Variants in OTOP2 observed in about 807,000 individuals in gnomAD.
The protein encoded by OTOP2 is proton channel OTOP2.
Under a neutral mutation model 47.4 loss-of-function variants are expected in OTOP2, and 41 were observed. The observed-to-expected ratio is 0.87, with a 90% CI of 0.67 to 1.12. OTOP2 has a LOEUF of 1.12. Ranked by LOEUF, OTOP2 falls within the 50% of genes most tolerant of loss-of-function variation. The pLI is 0.00. For synonymous variants in OTOP2, 328 were observed against 319.6 expected, an observed-to-expected ratio of 1.03 and a Z score of -0.28; for missense variants, 721 against 752.2, an observed-to-expected ratio of 0.96 and a Z score of 0.49.
chr17:74,927,382 C>A, intron 4 of OTOP2, 101 bp downstream of exon 4: 1 of 1,377,396 alleles, frequency 7.3e-7, no homozygotes, highest in Non-Finnish European at 1.0e-6. Context: ...CTTTATGTCC[C>A]CTGGGTGGGG....
chr17:74,924,780 G>A lies in OTOP2; in HGVS notation c.148G>A (p.Gly50Arg). ...CCTCGCCTGCACGCTCATCAGCGGC[G>A]GAGCCTTCAACAAGGTGGCCGTGTA... ...LLLACTLISG[G>R]AFNKVAVYDT... The change falls in exon 2 of 7, where the codon GGA becomes AGA. Residue 50 changes from glycine to arginine, a missense_variant. By Grantham distance (125) the Gly-to-Arg change is moderately radical. Coordinates refer to ENST00000331427, the MANE Select transcript of OTOP2 (RefSeq NM_178160.3). This position sits in a 1 kb window ranked among gnomAD's most constrained non-coding sequence, Gnocchi z 7.7. 6.2e-7 allele frequency: 1 copy of A among 1,611,248 alleles called. No individual in the cohort carries two copies. The highest frequency in any genetic ancestry group is 8.5e-7 in the Non-Finnish European group (1 of 1,179,094).
rs755228565 is a variant in OTOP2, at chr17:74,930,633, T to C, written c.998T>C (p.Ile333Thr). The change falls in exon 6 of 7, where the codon ATT (isoleucine) becomes ACT (threonine). Residue 333 changes from isoleucine to threonine, a missense_variant. By Grantham distance (89) the Ile-to-Thr change is moderately conservative. Coordinates refer to ENST00000331427, the MANE Select transcript of OTOP2 (RefSeq NM_178160.3). The surrounding 1 kb of genome is among the most constrained non-coding windows in gnomAD (Gnocchi z 4.0). ...QALVIYYSFN[I>T]VCLGLTTLVS... ...CTGGTCATCTACTACAGCTTCAACA[T>C]TGTCTGCTTGGGACTCACCACCTTG... 12 of 1,613,870 alleles carry C rather than the reference T, an allele frequency of 7.4e-6. No individual in the cohort carries two copies. The highest frequency in any genetic ancestry group is 1.0e-5 in the Non-Finnish European group (12 of 1,180,010).
At position 74,924,630 on chromosome 17, in the gene OTOP2, G is replaced by T; in HGVS notation, c.-3G>T. The stretch of plus-strand genomic sequence containing the variant: ...CCTCTAGCCTTCTCCAGTCGCCTCC[G>T]CCATGTCCGAGGAGCTGGCCCAGGG... On this transcript the variant is annotated 5_prime_UTR_variant, in exon 2 of 7. Transcript: ENST00000331427. This position sits in a 1 kb window ranked among gnomAD's most constrained non-coding sequence, Gnocchi z 7.7. The T allele has an allele frequency of 6.4e-7, 1 of 1,564,448 alleles. No individual in the cohort carries two copies. The highest frequency in any genetic ancestry group is 8.6e-7 in the Non-Finnish European group (1 of 1,160,890).
Position 74,930,193 on chromosome 17 carries a change from CAAA to C in OTOP2, c.644-77_644-75del. 9.0e-7 allele frequency: 1 copy of C among 1,116,360 alleles called. No individual in the cohort carries two copies. 69.2% of individuals were successfully genotyped at this position (1,116,360 alleles called of 1,614,324 possible). A position where few individuals can be genotyped will look rare whatever the true frequency, so the allele number is the denominator to read the frequency against. ...AGTGAAACTCCGTCTCAAAACAAAA[CAAA>C]AAAAAAAAGGTCACAGGCTAGGGGT... On this transcript the variant is annotated intron_variant, in intron 5 of 6. Transcript: ENST00000331427. The surrounding 1 kb of genome is among the most constrained non-coding windows in gnomAD (Gnocchi z 4.0).
chr17:74,928,239 G>A (rs1200235575), intron 5 of OTOP2, among the ~76,000 whole-genome samples: 1 of 152,140 alleles, frequency 6.6e-6, no homozygotes, highest in African/African-American at 2.4e-5. Flanking sequence ...AGCTACTATG[G>A]GAGGCTGAGG....
chr17:74,928,721 C>G (rs1350008439), intron 5 of OTOP2, among the ~76,000 whole-genome samples: 1 of 152,184 alleles, frequency 6.6e-6, no homozygotes, highest in Non-Finnish European at 1.5e-5. Context: ...AAACAATATG[C>G]TAAACTAAGG....
intron 4 of OTOP2, 171 bp downstream of exon 4, chr17:74,927,452 C>A: frequency 9.7e-7 from 1 of 1,031,270 alleles, no homozygotes; most frequent in Non-Finnish European, 1.4e-6. Flanking sequence ...GGGGCCCTTT[C>A]TCCCAGGGGA....
intron 2 of OTOP2, 84 bp downstream of exon 2, chr17:74,925,029 A>G: frequency 7.0e-7 from 1 of 1,426,274 alleles, no homozygotes; most frequent in Admixed American, 2.4e-5. Context: ...CAGAGTGCAG[A>G]TTGACATACG....
chr17:74,926,246 G>A (rs1190626047), intron 3 of OTOP2, among the ~76,000 whole-genome samples: 7 of 152,188 alleles, frequency 4.6e-5, no homozygotes, highest in Non-Finnish European at 8.8e-5. Context: ...TGGCACCATG[G>A]ATGATGCCCT....
chr17:74,927,356 C>A, intron 4 of OTOP2, 75 bp downstream of exon 4: 1 of 1,502,214 alleles, frequency 6.7e-7, no homozygotes, highest in Non-Finnish European at 9.3e-7. Flanking sequence ...GCTTTCCACC[C>A]TGGGGCAGGG....
chr17:74,925,033 A>T, intron 2 of OTOP2, 88 bp downstream of exon 2: 1 of 1,412,956 alleles, frequency 7.1e-7, no homozygotes, highest in Non-Finnish European at 9.4e-7. Context: ...GTGCAGATTG[A>T]CATACGAGGG....
chr17:74,927,162 G>A, intron 3 of OTOP2, 61 bp from the exon 4 acceptor site: 3 of 1,430,308 alleles, frequency 2.1e-6, no homozygotes, highest in South Asian at 1.1e-5. Context: ...ATGGACTTGG[G>A]TGCGCTGGAG....
Position 74,930,513 on chromosome 17 carries a change from C to G in OTOP2, c.878C>G (p.Pro293Arg). Residue 293 changes from proline (P) to arginine (R), a missense_variant, in exon 6 of 7, where the codon CCG (proline) becomes CGG (arginine). Physicochemically the swap from Pro to Arg is moderately radical, Grantham distance 103 (BLOSUM62 -2). Transcript: ENST00000331427. The surrounding 1 kb of genome is among the most constrained non-coding windows in gnomAD (Gnocchi z 4.0). ...SLFRETFFAG[P>R]VLGLLLFVVG... ...TTCCGGGAGACCTTTTTTGCTGGCC[C>G]GGTTCTGGGCCTGCTGCTCTTCGTG... The G allele has an allele frequency of 6.2e-7, 1 of 1,612,828 alleles. No individual in the cohort carries two copies.
intron 6 of OTOP2, 29 bp downstream of exon 6, chr17:74,931,182 C>A: frequency 6.4e-7 from 1 of 1,555,038 alleles, no homozygotes; most frequent in South Asian, 1.2e-5. Flanking sequence ...AAAGGGTGGG[C>A]TTGGGAGAAG....
At chr17:74,927,997 T>C in intron 5 of OTOP2, 199 bp downstream of exon 5, 1 of 706,478 alleles carries the variant, frequency 1.4e-6, no homozygotes, top group South Asian at 2.1e-5. Context: ...GGGTACCCTT[T>C]TATCCTTGAG....
In OTOP2 at chr17:74,930,536, G is replaced by A. The variant is rs748777781; in HGVS notation, c.901G>A (p.Val301Met). Reference sequence around the variant, plus strand: ...CCCGGTTCTGGGCCTGCTGCTCTTCGTGGTGGGGCTGGCTGTCTTCATCAT... The same window carrying A: ...CCCGGTTCTGGGCCTGCTGCTCTTCATGGTGGGGCTGGCTGTCTTCATCAT... ...AGPVLGLLLF[V>M]VGLAVFIIYE... is the part of the protein sequence containing the mutation. The change falls in exon 6 of 7, where the codon GTG (valine) becomes ATG (methionine). Residue 301 changes from valine to methionine, a missense_variant. Physicochemically the swap from Val to Met is conservative, Grantham distance 21. Transcript: ENST00000331427. The surrounding 1 kb of genome is among the most constrained non-coding windows in gnomAD (Gnocchi z 4.0). The A allele has an allele frequency of 7.3e-5, 118 of 1,612,766 alleles. No homozygotes were observed. In the East Asian group the frequency reaches 9.4e-4, roughly 13 times the overall value.
Position 74,924,689 on chromosome 17 carries a change from C to A in OTOP2, c.57C>A (p.Gly19=), listed in dbSNP as rs768050085. 2 of 1,600,482 alleles carry A rather than the reference C, an allele frequency of 1.2e-6. No individual in the cohort carries two copies. The highest frequency in any genetic ancestry group is 1.7e-6 in the Non-Finnish European group (2 of 1,175,666). Residue 19 remains glycine (G), a synonymous_variant, in exon 2 of 7, where the codon GGC becomes GGA. Transcript: ENST00000331427. The surrounding 1 kb of genome is among the most constrained non-coding windows in gnomAD (Gnocchi z 7.7). The part of the protein sequence containing the change: ...PKESPPAPRA[G]PREVWKKGGR... ...AGAGCCCCCCGGCGCCGCGTGCGGG[C>A]CCCAGGGAGGTGTGGAAGAAGGGTG...
At chr17:74,925,764 G>A (rs2039001956) in intron 3 of OTOP2, 72 bp downstream of exon 3, 2 of 1,594,828 alleles carry the variant, frequency 1.3e-6, no homozygotes, top group Admixed American at 1.7e-5. Flanking sequence ...CCAACAAGGG[G>A]TCGGAGACCT....
At chr17:74,928,714 C>T (rs1231563005) in intron 5 of OTOP2, among the ~76,000 whole-genome samples, 7 of 152,176 alleles carry the variant, frequency 4.6e-5, no homozygotes, top group Admixed American at 1.3e-4. Context: ...TGTTTTTAAA[C>T]AATATGCTAA....
Sources: gnomAD v4.1 joint callset for allele counts (sites outside exome capture counted in the v4.1 genomes callset) on GRCh38, gnomAD v4.1.1 for gene constraint, Gnocchi (gnomAD v3.1) non-coding constraint, MANE v1.5 for transcripts, NCBI Gene and HGNC (gene_info 2026-07-23, HGNC 2026-07-21) for gene names.